Variants in GKAP1 observed in about 807,000 individuals in gnomAD.
GKAP1 encodes the protein G kinase anchoring protein 1.
A neutral mutation model predicts 56.7 loss-of-function variants in GKAP1; 31 were observed. That is an observed-to-expected ratio of 0.55 (90% CI 0.41 to 0.74). The LOEUF (loss-of-function observed/expected upper bound fraction) is 0.74, where lower values mean the gene tolerates loss of function less well. Ranked by LOEUF, GKAP1 falls within the 30% of genes least tolerant of loss-of-function variation. The pLI is 0.00. For missense variants in GKAP1, 364 were observed against 402.3 expected (o/e 0.90, Z 0.82); for synonymous variants, 151 against 138.6 (o/e 1.09, Z -0.63).
At chr9:83,794,428 T>G (rs1409269402) in intron 4 of GKAP1, among the ~76,000 whole-genome samples, 1 of 152,166 alleles carries the variant, frequency 6.6e-6, no homozygotes, top group Non-Finnish European at 1.5e-5. Flanking sequence ...GGATTTATTA[T>G]ACCAGCCACA....
rs1554742273 is a variant in GKAP1 at position 83,779,448 on chromosome 9, T to TATATACACAC, written c.585+933_585+934insGTGTGTATAT. 1.7e-3 allele frequency among the ~76,000 whole-genome samples: 200 copies of TATATACACAC among 119,610 alleles called. 2 individuals carry two copies. Among genetic ancestry groups the TATATACACAC allele is most frequent in the African/African-American group, 5.5e-3 (179 of 32,404 alleles). 78.5% of individuals were successfully genotyped at this position (119,610 alleles called of 152,430 possible). A position where few individuals can be genotyped will look rare whatever the true frequency, so the allele number is the denominator to read the frequency against. On this transcript the variant is annotated intron_variant, in intron 7 of 12. Coordinates refer to ENST00000376371, the MANE Select transcript of GKAP1 (RefSeq NM_025211.4). ...AGCCATATATATATATATATATATA[T>TATATACACAC]ACACACACACACACACGCACATATA...
At chr9:83,769,229 A>G (rs1235861916) in intron 7 of GKAP1, among the ~76,000 whole-genome samples, 1 of 152,124 alleles carries the variant, frequency 6.6e-6, no homozygotes, top group Non-Finnish European at 1.5e-5. Flanking sequence ...TTGCTTTTTA[A>G]ATTTCTGTTA....
rs138865745 is a variant in GKAP1, at chr9:83,782,961, C to T, written c.562+1754G>A. Among the ~76,000 whole-genome samples the T allele has an allele frequency of 5.5e-4, 83 of 152,290 alleles. 1 individual carries two copies. The highest frequency in any genetic ancestry group is 1.6e-3 in the Admixed American group (25 of 15,296). On this transcript the variant is annotated intron_variant, in intron 6 of 12. Transcript: ENST00000376371. ...CTAGGATTACAGGCGTGAGCCACCACGCCCGACCAAAACTTGGAAATTTTA... is the reference window on the plus strand; with the variant it reads ...CTAGGATTACAGGCGTGAGCCACCATGCCCGACCAAAACTTGGAAATTTTA...
chr9:83,802,532 A>G (rs1328102557), intron 3 of GKAP1, among the ~76,000 whole-genome samples: 3 of 152,024 alleles, frequency 2.0e-5, no homozygotes, highest in Non-Finnish European at 2.9e-5. Flanking sequence ...TGTACATTCA[A>G]TGCAAGTTAC....
intron 3 of GKAP1, among the ~76,000 whole-genome samples, chr9:83,802,483 GAA>G (rs201998640): frequency 1.6e-4 from 9 of 57,150 alleles, no homozygotes; most frequent in African/African-American, 6.0e-5. Context: ...CTCCATCTCA[GAA>G]AAAAAAAAAA....
chr9:83,742,134 G>C, intron 11 of GKAP1, 105 bp from the exon 12 acceptor site: 1 of 702,642 alleles, frequency 1.4e-6, no homozygotes, highest in African/African-American at 1.8e-5. Context: ...AAATGGATGA[G>C]TAACAGAGAA....
intron 7 of GKAP1, among the ~76,000 whole-genome samples, chr9:83,773,528 T>TA (rs910067927): frequency 1.0e-3 from 154 of 149,070 alleles, no homozygotes; most frequent in Middle Eastern, 3.5e-3. Context: ...TACAGCTGTT[T>TA]AAAAAAAAAA....
intron 4 of GKAP1, among the ~76,000 whole-genome samples, chr9:83,789,286 CCTAA>C (rs1393694848): frequency 2.0e-5 from 3 of 152,172 alleles, no homozygotes; most frequent in Admixed American, 6.5e-5. Flanking sequence ...ATCAATCTCA[CCTAA>C]CTTTTTAAAA....
intron 7 of GKAP1, among the ~76,000 whole-genome samples, chr9:83,779,609 A>G (rs1943935640): frequency 1.1e-5 from 1 of 88,760 alleles, no homozygotes; most frequent in Admixed American, 1.4e-4. Context: ...ATATATACAC[A>G]TATACACACA....
intron 4 of GKAP1, among the ~76,000 whole-genome samples, chr9:83,793,641 T>C (rs911495151): frequency 3.9e-5 from 6 of 152,138 alleles, no homozygotes; most frequent in Admixed American, 3.9e-4. Flanking sequence ...GAATTAAAAG[T>C]AGTAATGAAA....
At chr9:83,776,578 C>T (rs965121646) in intron 7 of GKAP1, among the ~76,000 whole-genome samples, 19 of 152,012 alleles carry the variant, frequency 1.2e-4, no homozygotes, top group African/African-American at 4.4e-4. Flanking sequence ...ATCTGTAGAC[C>T]CCAGCTACTC....
intron 4 of GKAP1, among the ~76,000 whole-genome samples, chr9:83,796,922 T>G (rs554315962): frequency 6.6e-6 from 1 of 152,194 alleles, no homozygotes; most frequent in Middle Eastern, 3.2e-3. Context: ...AAGCAAAACA[T>G]AGATGCTATC....
intron 3 of GKAP1, among the ~76,000 whole-genome samples, chr9:83,805,679 A>G (rs1944427521): frequency 2.0e-5 from 3 of 152,328 alleles, no homozygotes; most frequent in Middle Eastern, 3.4e-3. Flanking sequence ...ATAAATTTAT[A>G]TATGTGTACA....
At chr9:83,765,810 T>C (rs1255552929) in intron 8 of GKAP1, among the ~76,000 whole-genome samples, 2 of 152,212 alleles carry the variant, frequency 1.3e-5, no homozygotes, top group African/African-American at 4.8e-5. Flanking sequence ...CCATTGTATC[T>C]AGGAAGTAAC....
intron 8 of GKAP1, among the ~76,000 whole-genome samples, chr9:83,767,241 C>A (rs1279892752): frequency 6.6e-6 from 1 of 152,168 alleles, no homozygotes; most frequent in Non-Finnish European, 1.5e-5. Context: ...GCATCTTTTT[C>A]TCCCTCAGAT....
At chr9:83,790,581 G>C (rs1265026720) in intron 4 of GKAP1, among the ~76,000 whole-genome samples, 1 of 151,972 alleles carries the variant, frequency 6.6e-6, no homozygotes, top group Non-Finnish European at 1.5e-5. Context: ...TCAGGAGTTT[G>C]AGACCAGCCT....
intron 7 of GKAP1, among the ~76,000 whole-genome samples, chr9:83,774,946 A>T (rs1943830997): frequency 1.3e-5 from 2 of 150,968 alleles, no homozygotes; most frequent in South Asian, 4.2e-4. Context: ...TGACCTTGTG[A>T]TCCGCCCACC....
At chr9:83,803,840 G>A (rs986292557) in intron 3 of GKAP1, among the ~76,000 whole-genome samples, 4 of 151,398 alleles carry the variant, frequency 2.6e-5, no homozygotes, top group African/African-American at 9.7e-5. Context: ...TCCCATCTGG[G>A]AAGTGAGGAG....
chr9:83,775,682 C>T (rs1943846561), intron 7 of GKAP1, among the ~76,000 whole-genome samples: 3 of 151,680 alleles, frequency 2.0e-5, no homozygotes, highest in Admixed American at 1.3e-4. Flanking sequence ...TTGAGACCAG[C>T]CTGAGCAACC....
Sources: allele counts gnomAD v4.1 joint callset (sites outside exome capture counted in the v4.1 genomes callset), GRCh38; gene constraint gnomAD v4.1.1; transcripts MANE v1.5; gene names NCBI Gene and HGNC (gene_info 2026-07-23, HGNC 2026-07-21).